Variants in MOSMO observed in about 807,000 individuals in gnomAD.
MOSMO encodes modulator of smoothened, also known as modulator of smoothened protein.
A neutral mutation model predicts 18.4 loss-of-function variants in MOSMO; 5 were observed. That is an observed-to-expected ratio of 0.27 (90% CI 0.14 to 0.57). The LOEUF is 0.57. MOSMO is among the 20% of genes least tolerant of loss of function. MOSMO has a pLI of 0.92. For missense variants in MOSMO, 138 were observed against 211.8 expected (o/e 0.65, Z 2.16); for synonymous variants, 82 against 82.3 (o/e 1.00, Z 0.02).
At chr16:22,088,725 G>A (rs1435806163), downstream of MOSMO, among the ~76,000 whole-genome samples, 1 of 152,124 alleles carries the variant, frequency 6.6e-6, no homozygotes, top group African/African-American at 2.4e-5. Context: ...ACAAAACCAA[G>A]GATCAAAAGG....
intron 1 of MOSMO, among the ~76,000 whole-genome samples, chr16:22,050,905 AGT>A (rs899622577): frequency 3.6e-4 from 54 of 151,302 alleles, no homozygotes; most frequent in Admixed American, 5.3e-4. Context: ...AAAAAAAAAA[AGT>A]GAATGCTGCT....
intron 2 of MOSMO, 78 bp downstream of exon 2, chr16:22,075,777 C>A: frequency 2.8e-6 from 3 of 1,059,144 alleles, no homozygotes; most frequent in Non-Finnish European, 4.2e-6. Context: ...AATCAAGAAT[C>A]AGTAATAAGG....
Position 22,084,560 on chromosome 16 carries a change from A to G in MOSMO, c.*3680A>G, listed in dbSNP as rs1038985363. The G allele has an allele frequency of 6.6e-5, 10 of 152,230 alleles. No homozygotes were observed. Among genetic ancestry groups the G allele is most frequent in the Admixed American group, 4.6e-4 (7 of 15,284 alleles). 9.4% of individuals were successfully genotyped at this position (152,230 alleles called of 1,614,324 possible). A position where few individuals can be genotyped will look rare whatever the true frequency, so the allele number is the denominator to read the frequency against. Reference sequence around the variant, plus strand: ...TTAATAGTTTCAAAACAAATTGTTAATACAACTGTATAAAATGAACATAAT... The same window carrying G: ...TTAATAGTTTCAAAACAAATTGTTAGTACAACTGTATAAAATGAACATAAT... On this transcript the variant is annotated 3_prime_UTR_variant, in exon 3 of 3. Transcript: ENST00000542527.
At chr16:22,052,257 A>G (rs1053617821) in intron 1 of MOSMO, among the ~76,000 whole-genome samples, 5 of 152,220 alleles carry the variant, frequency 3.3e-5, no homozygotes, top group African/African-American at 7.2e-5. Flanking sequence ...CTAGAATACT[A>G]TGAAGCCCTT....
chr16:22,091,012 G>A (rs778035247), downstream of MOSMO, among the ~76,000 whole-genome samples: 21 of 151,792 alleles, frequency 1.4e-4, no homozygotes, highest in Non-Finnish European at 2.8e-4. Context: ...GGTGGTAGAC[G>A]ACCTGCTTGG....
chr16:22,089,491 C>A (rs988523178), downstream of MOSMO, among the ~76,000 whole-genome samples: 1 of 152,160 alleles, frequency 6.6e-6, no homozygotes, highest in South Asian at 2.1e-4. Context: ...GCTCCTCACC[C>A]CTACTCCCAA....
chr16:22,014,833 A>G (rs1371504281), intron 1 of MOSMO, among the ~76,000 whole-genome samples: 2 of 152,192 alleles, frequency 1.3e-5, no homozygotes, highest in African/African-American at 4.8e-5. Flanking sequence ...CTAAAAGGGC[A>G]AACATTTTGA....
chr16:22,075,419 G>A, intron 1 of MOSMO, 68 bp from the exon 2 acceptor site: 1 of 1,167,264 alleles, frequency 8.6e-7, no homozygotes, highest in South Asian at 1.3e-5. Context: ...CTAAAGGGGT[G>A]GTGGTGAGGA....
Position 22,035,843 on chromosome 16 carries a change from T to C in MOSMO, c.106+27436T>C, listed in dbSNP as rs971319316. 6.6e-5 allele frequency among the ~76,000 whole-genome samples: 10 copies of C among 152,156 alleles called. No homozygotes were observed. In the East Asian group the frequency reaches 1.9e-3, roughly 29 times the overall value. ...TAAATTTATTCCTAGATTTCTTGTTTTGGGGTTTTGTTGTAGTTGTTACTT... is the reference window on the plus strand; with the variant it reads ...TAAATTTATTCCTAGATTTCTTGTTCTGGGGTTTTGTTGTAGTTGTTACTT... On this transcript the variant is annotated intron_variant, in intron 1 of 2. Coordinates refer to ENST00000542527, the MANE Select transcript of MOSMO (RefSeq NM_001164579.2).
chr16:22,055,278 CCTT>C (rs1247874618), intron 1 of MOSMO, among the ~76,000 whole-genome samples: 1 of 152,106 alleles, frequency 6.6e-6, no homozygotes, highest in African/African-American at 2.4e-5. Context: ...TCAACACACT[CCTT>C]CTGTGTGTGT....
chr16:22,057,668 G>C (rs1342886451), intron 1 of MOSMO, among the ~76,000 whole-genome samples: 4 of 152,138 alleles, frequency 2.6e-5, no homozygotes, highest in Non-Finnish European at 5.9e-5. Flanking sequence ...TGGCCATATA[G>C]AGAACTTATC....
intron 2 of MOSMO, among the ~76,000 whole-genome samples, chr16:22,078,931 A>C (rs1901026014): frequency 6.6e-6 from 1 of 152,224 alleles, no homozygotes; most frequent in East Asian, 1.9e-4. Context: ...TATCTAAAAA[A>C]ATCCAAGTTT....
At chr16:22,069,533 A>G (rs1900807724) in intron 1 of MOSMO, among the ~76,000 whole-genome samples, 1 of 152,226 alleles carries the variant, frequency 6.6e-6, no homozygotes, top group Non-Finnish European at 1.5e-5. Context: ...GAGGAAACCC[A>G]GTAGATATGG....
intron 1 of MOSMO, among the ~76,000 whole-genome samples, chr16:22,074,225 A>T (rs953606112): frequency 2.0e-5 from 3 of 152,164 alleles, no homozygotes; most frequent in African/African-American, 7.2e-5. Context: ...GTTCGTGGCA[A>T]GTGCTATGAT....
At chr16:22,019,824 C>A (rs1395912639) in intron 1 of MOSMO, among the ~76,000 whole-genome samples, 1 of 151,992 alleles carries the variant, frequency 6.6e-6, no homozygotes, top group African/African-American at 2.4e-5. Context: ...TTTGGCACTC[C>A]CAGTCTTATC....
chr16:22,049,088 GA>G (rs1462253443), intron 1 of MOSMO, among the ~76,000 whole-genome samples: 1 of 152,148 alleles, frequency 6.6e-6, no homozygotes, highest in African/African-American at 2.4e-5. Context: ...AATACATATA[GA>G]AATTTATGTT....
At chr16:22,062,649 C>T (rs1488988682) in intron 1 of MOSMO, among the ~76,000 whole-genome samples, 1 of 152,106 alleles carries the variant, frequency 6.6e-6, no homozygotes, top group African/African-American at 2.4e-5. Context: ...AGTATATCGA[C>T]ATAGCAACAC....
chr16:22,064,464 C>A (rs1348316578), intron 1 of MOSMO: 1 of 453,420 alleles, frequency 2.2e-6, no homozygotes, highest in Admixed American at 2.4e-5. Flanking sequence ...TGGAATTCTT[C>A]CATGGGAGTT....
At chr16:22,010,602 T>A (rs918210646) in intron 1 of MOSMO, among the ~76,000 whole-genome samples, 8 of 152,104 alleles carry the variant, frequency 5.3e-5, no homozygotes, top group Admixed American at 5.2e-4. Context: ...GAAAGATAAG[T>A]GATAGCATAA....
Sources: allele counts gnomAD v4.1 joint callset (sites outside exome capture counted in the v4.1 genomes callset), GRCh38; gene constraint gnomAD v4.1.1; transcripts MANE v1.5; gene names NCBI Gene and HGNC (gene_info 2026-07-23, HGNC 2026-07-21).